Variants in CAPG observed in about 807,000 individuals in gnomAD.
CAPG encodes capping actin protein, gelsolin like.
Under a neutral mutation model 44.6 loss-of-function variants are expected in CAPG, and 32 were observed. The ratio of observed to expected loss-of-function variants is 0.72; its 90% CI spans 0.54 to 0.96. The LOEUF is 0.96. Among genes scored for constraint, CAPG ranks in the 50% least tolerant of loss-of-function variants. CAPG has a pLI of 0.00. For synonymous variants in CAPG, 175 were observed against 179.6 expected, an observed-to-expected ratio of 0.97 and a Z score of 0.20; for missense variants, 412 against 438.3, an observed-to-expected ratio of 0.94 and a Z score of 0.54.
chr2:85,393,158 C>A (rs1485057693), downstream of CAPG, among the ~76,000 whole-genome samples: 1 of 151,866 alleles, frequency 6.6e-6, no homozygotes, highest in Non-Finnish European at 1.5e-5. Flanking sequence ...ACTTCAGCCT[C>A]CTGAGTAGCT....
chr2:85,392,654 G>A (rs1204415745), downstream of CAPG, among the ~76,000 whole-genome samples: 1 of 152,188 alleles, frequency 6.6e-6, no homozygotes, highest in African/African-American at 2.4e-5. Context: ...GGGTGGGGCT[G>A]GTAACAAACC....
chr2:85,401,888 C>T lies in CAPG; in HGVS notation c.93G>A (p.Pro31=), dbSNP rs747754392. 5.0e-6 allele frequency: 8 copies of T among 1,613,894 alleles called. No homozygotes were observed. Among genetic ancestry groups the T allele is most frequent in the Admixed American group, 3.3e-5 (2 of 59,984 alleles). Residue 31 remains proline (P), a synonymous_variant, in exon 3 of 10, where the codon CCG becomes CCA. Coordinates refer to ENST00000263867, the MANE Select transcript of CAPG (RefSeq NM_001747.4). ...LHVWRVEKLK[P]VPVAQENQGV... ...CCTGGTTCTCTTGCGCCACAGGCAC[C>T]GGCTTCAGCTTCTCCACCCGCCACA...
chr2:85,394,879 G>A lies in CAPG; in HGVS notation c.*14C>T. ...TGGGGGGCAGGGGAGCATGGGGCAGGAAGACGCCCACCCTCATTTCCAGTC... is the reference window on the plus strand; with the variant it reads ...TGGGGGGCAGGGGAGCATGGGGCAGAAAGACGCCCACCCTCATTTCCAGTC... On this transcript the variant is annotated 3_prime_UTR_variant, in exon 10 of 10. Coordinates refer to ENST00000263867, the MANE Select transcript of CAPG (RefSeq NM_001747.4). 1 of 1,605,170 alleles carries A rather than the reference G, an allele frequency of 6.2e-7. No individual in the cohort carries two copies. Among genetic ancestry groups the A allele is most frequent in the Non-Finnish European group, 8.5e-7 (1 of 1,171,714 alleles).
chr2:85,403,886 C>CA (rs36054381), intron 1 of CAPG, among the ~76,000 whole-genome samples: 2,249 of 67,852 alleles, frequency 0.033, 25 homozygotes, highest in East Asian at 0.11. Context: ...GACTCCATCT[C>CA]AAAAAAAAAA....
intron 1 of CAPG, among the ~76,000 whole-genome samples, chr2:85,407,045 C>T (rs1415236339): frequency 2.6e-5 from 4 of 151,754 alleles, no homozygotes; most frequent in African/African-American, 9.7e-5. Flanking sequence ...ATTCTCCTGC[C>T]TCAGCCTCCT....
chr2:85,391,791 A>G (rs1686374920), downstream of CAPG: 1 of 152,616 alleles, frequency 6.6e-6, no homozygotes. Flanking sequence ...GTCTTGCACC[A>G]TCCTGTGGTC....
At chr2:85,412,519 TAATAATAATAAC>T (rs1687446206), upstream of CAPG, among the ~76,000 whole-genome samples, 2 of 151,798 alleles carry the variant, frequency 1.3e-5, no homozygotes, top group Non-Finnish European at 2.9e-5. Flanking sequence ...TCTCAAAAAA[TAATAATAATAAC>T]AATAATAATA....
Position 85,410,300 on chromosome 2 carries a change from T to A in CAPG, c.-14+17A>T, listed in dbSNP as rs1687363750. 6.6e-6 allele frequency: 1 copy of A among 152,508 alleles called. No homozygotes were observed. Among genetic ancestry groups the A allele is most frequent in the African/African-American group, 2.4e-5 (1 of 41,460 alleles). The allele number at this position is 152,508 out of a possible 1,614,324, so 9.4% of individuals were successfully genotyped here. On this transcript the variant is annotated intron_variant, in intron 1 of 9. Transcript: ENST00000263867. Reference sequence around the variant, plus strand: ...CCTTCACCTTTCAACACTCCTACTTTCCTTTCTTCCTCCTACCTCTGCTTC... The same window carrying A: ...CCTTCACCTTTCAACACTCCTACTTACCTTTCTTCCTCCTACCTCTGCTTC...
At chr2:85,415,710 T>C (rs1037450865) in intron 1 of CAPG, among the ~76,000 whole-genome samples, 2 of 152,218 alleles carry the variant, frequency 1.3e-5, no homozygotes, top group Non-Finnish European at 2.9e-5. Flanking sequence ...CACATTCTAA[T>C]ACTGCCCAGA....
rs777044133 is a variant in CAPG, at chr2:85,401,625, G to A, written c.255C>T (p.Asn85=). The A allele has an allele frequency of 3.1e-6, 5 of 1,614,122 alleles. No homozygotes were observed. Among genetic ancestry groups the A allele is most frequent in the Middle Eastern group, 1.6e-4 (1 of 6,062 alleles). ...GACAVLAVHL[N]TLLGERPVQH... ...GCACAGGCCGCTCTCCCAGCAGCGTGTTGAGGTGCACAGCCAGCACGGCAC... is the reference window on the plus strand; with the variant it reads ...GCACAGGCCGCTCTCCCAGCAGCGTATTGAGGTGCACAGCCAGCACGGCAC... The change falls in exon 4 of 10, where the codon AAC becomes AAT. Residue 85 remains asparagine (N), a synonymous_variant. Transcript: ENST00000263867.
At position 85,394,804 on chromosome 2, in the gene CAPG, G is replaced by C. The variant is rs1686504035; in HGVS notation, c.*89C>G. Reference sequence around the variant, plus strand: ...TGTCTCCTTTATTGAACATCTGCAGGGGGCACCTCTGCACTGACCAGGCAG... The same window carrying C: ...TGTCTCCTTTATTGAACATCTGCAGCGGGCACCTCTGCACTGACCAGGCAG... On this transcript the variant is annotated 3_prime_UTR_variant, in exon 10 of 10. Coordinates refer to ENST00000263867, the MANE Select transcript of CAPG (RefSeq NM_001747.4). 5 of 892,346 alleles carry C rather than the reference G, an allele frequency of 5.6e-6. No individual in the cohort carries two copies. In the East Asian group the frequency reaches 1.2e-4, roughly 21 times the overall value. The allele number at this position is 892,346 out of a possible 1,614,324, so 55.3% of individuals were successfully genotyped here. A position where few individuals can be genotyped will look rare whatever the true frequency, so the allele number is the denominator to read the frequency against.
chr2:85,411,345 T>A (rs1558739215), upstream of CAPG, among the ~76,000 whole-genome samples: 1 of 152,234 alleles, frequency 6.6e-6, no homozygotes, highest in Admixed American at 6.5e-5. Flanking sequence ...GCAACTATCC[T>A]GCCTACATCA....
At chr2:85,410,821 G>C (rs1375942237), upstream of CAPG, among the ~76,000 whole-genome samples, 3 of 151,808 alleles carry the variant, frequency 2.0e-5, no homozygotes, top group Non-Finnish European at 2.9e-5. Flanking sequence ...TGCCCTGAAT[G>C]CAAGTATTTG....
intron 1 of CAPG, chr2:85,409,679 G>A (rs1687328387): frequency 6.6e-6 from 1 of 151,974 alleles, no homozygotes; most frequent in African/African-American, 2.4e-5. Context: ...GCCTCATTTG[G>A]GGATTCCAAA....
chr2:85,418,367 G>C (rs924407977), exon 1 of CAPG: 1 of 152,342 alleles, frequency 6.6e-6, no homozygotes. Context: ...CGGGCCCACT[G>C]TCCAGATCCA....
At chr2:85,411,343 C>T (rs1687403540), upstream of CAPG, among the ~76,000 whole-genome samples, 1 of 152,228 alleles carries the variant, frequency 6.6e-6, no homozygotes, top group Non-Finnish European at 1.5e-5. Context: ...GGGCAACTAT[C>T]CTGCCTACAT....
downstream of CAPG, among the ~76,000 whole-genome samples, chr2:85,393,325 C>T (rs549164134): frequency 1.3e-5 from 2 of 152,206 alleles, no homozygotes; most frequent in East Asian, 1.9e-4. Flanking sequence ...CATGAGCCAC[C>T]GTGCCCAGCC....
chr2:85,399,013 A>T, intron 6 of CAPG, 123 bp downstream of exon 6: 2 of 1,135,536 alleles, frequency 1.8e-6, no homozygotes, highest in Non-Finnish European at 1.3e-6. Flanking sequence ...CCACAGCCCT[A>T]GGCAGTACAC....
At chr2:85,398,557 C>G in intron 7 of CAPG, 133 bp downstream of exon 7, 2 of 738,416 alleles carry the variant, frequency 2.7e-6, no homozygotes, top group South Asian at 3.4e-5. Context: ...CTGTATAACT[C>G]CCCACCTCCC....
Sources: allele counts gnomAD v4.1 joint callset (sites outside exome capture counted in the v4.1 genomes callset), GRCh38; gene constraint gnomAD v4.1.1; transcripts MANE v1.5; gene names NCBI Gene and HGNC (gene_info 2026-07-23, HGNC 2026-07-21).